The following DOCK3 variants were observed in gnomAD, a reference collection of about 807,000 sequenced individuals.
The protein encoded by DOCK3 is dedicator of cytokinesis protein 3.
Under a neutral mutation model 265.6 loss-of-function variants are expected in DOCK3, and 60 were observed. That is an observed-to-expected ratio of 0.23 (90% confidence interval 0.18 to 0.28). The LOEUF is 0.28. Among genes scored for constraint, DOCK3 ranks in the 10% least tolerant of loss-of-function variants. The probability of loss-of-function intolerance (pLI) is 1.00; values close to 1 mark genes in which losing one functional copy is unlikely to be tolerated. For missense variants in DOCK3, 1,981 were observed against 2,594.3 expected (o/e 0.76, Z 5.14); for synonymous variants, 881 against 938.0 (o/e 0.94, Z 1.11).
intron 5 of DOCK3, among the ~76,000 whole-genome samples, chr3:50,939,144 A>C (rs2051557173): frequency 6.6e-6 from 1 of 152,096 alleles, no homozygotes; most frequent in Admixed American, 6.5e-5. Flanking sequence ...AAAATACTGT[A>C]AACAACTTTA....
At chr3:50,677,438 A>G (rs2034055222) in intron 1 of DOCK3, among the ~76,000 whole-genome samples, 1 of 152,206 alleles carries the variant, frequency 6.6e-6, no homozygotes, top group South Asian at 2.1e-4. Context: ...TTAAAACGGC[A>G]TTTTTGCTGC....
chr3:51,366,724 T>C (rs2087209077), intron 49 of DOCK3, among the ~76,000 whole-genome samples: 1 of 152,254 alleles, frequency 6.6e-6, no homozygotes, highest in South Asian at 2.1e-4. Flanking sequence ...ATATCTTTAT[T>C]TCTGCCTTCA....
intron 12 of DOCK3, among the ~76,000 whole-genome samples, chr3:51,202,903 C>T (rs1248753848): frequency 6.6e-6 from 1 of 151,876 alleles, no homozygotes. Context: ...ATAAACAGAA[C>T]CAAAGACAAA....
At chr3:51,216,330 C>A (rs564461499) in intron 14 of DOCK3, among the ~76,000 whole-genome samples, 1 of 152,188 alleles carries the variant, frequency 6.6e-6, no homozygotes, top group Non-Finnish European at 1.5e-5. Context: ...ATCATTGGCA[C>A]ACAGCTAGAC....
chr3:50,901,707 A>G (rs888624703), intron 4 of DOCK3: 1 of 453,362 alleles, frequency 2.2e-6, no homozygotes, highest in African/African-American at 2.0e-5. Context: ...CCTCATGGCT[A>G]CCCTTGGCTA....
intron 10 of DOCK3, among the ~76,000 whole-genome samples, chr3:51,157,411 A>G (rs2085904135): frequency 6.6e-6 from 1 of 151,746 alleles, no homozygotes; most frequent in South Asian, 2.1e-4. Context: ...ACACCCTGCT[A>G]ATTTTTGTAT....
At chr3:50,831,398 G>A (rs2045160378) in intron 2 of DOCK3, among the ~76,000 whole-genome samples, 2 of 151,812 alleles carry the variant, frequency 1.3e-5, no homozygotes, top group Admixed American at 6.6e-5. Flanking sequence ...CCTCTGACAT[G>A]CCCTGGTGTG....
intron 2 of DOCK3, among the ~76,000 whole-genome samples, chr3:50,824,235 G>A (rs1398273796): frequency 6.6e-6 from 1 of 152,168 alleles, no homozygotes; most frequent in Non-Finnish European, 1.5e-5. Context: ...TTGAAGACAT[G>A]AGCAATAGAG....
At chr3:50,975,445 A>G (rs924955079) in intron 5 of DOCK3, among the ~76,000 whole-genome samples, 2 of 150,010 alleles carry the variant, frequency 1.3e-5, no homozygotes, top group Non-Finnish European at 3.0e-5. Flanking sequence ...GATTACATTT[A>G]TTGATTTGGG....
chr3:50,923,934 A>C (rs1575543241), intron 4 of DOCK3, among the ~76,000 whole-genome samples: 1 of 152,332 alleles, frequency 6.6e-6, no homozygotes, highest in South Asian at 2.1e-4. Context: ...TCTGTTGTAT[A>C]GCACCAAAAG....
chr3:51,251,653 G>A (rs2079247490), intron 22 of DOCK3, among the ~76,000 whole-genome samples: 1 of 152,160 alleles, frequency 6.6e-6, no homozygotes, highest in Non-Finnish European at 1.5e-5. Flanking sequence ...ATGTTGGTTG[G>A]CTGCATAAAT....
intron 12 of DOCK3, among the ~76,000 whole-genome samples, chr3:51,203,723 A>G (rs1160823668): frequency 6.6e-6 from 1 of 152,234 alleles, no homozygotes; most frequent in Non-Finnish European, 1.5e-5. Flanking sequence ...CCTAAGCCAA[A>G]AGAACAAAGC....
intron 14 of DOCK3, among the ~76,000 whole-genome samples, chr3:51,222,870 A>G (rs1000151849): frequency 6.6e-6 from 1 of 152,226 alleles, no homozygotes; most frequent in Non-Finnish European, 1.5e-5. Context: ...AACTGTGAGC[A>G]TATCTCTGTA....
At chr3:50,991,971 A>G (rs1489763069) in intron 5 of DOCK3, among the ~76,000 whole-genome samples, 1 of 152,224 alleles carries the variant, frequency 6.6e-6, no homozygotes, top group East Asian at 1.9e-4. Flanking sequence ...TGGAAATTAA[A>G]CAACATGCTC....
intron 3 of DOCK3, among the ~76,000 whole-genome samples, chr3:50,875,358 T>G (rs2047652724): frequency 6.6e-6 from 1 of 152,218 alleles, no homozygotes; most frequent in South Asian, 2.1e-4. Context: ...GTGGAAGTCT[T>G]ATCTTTGTCT....
chr3:50,853,636 G>A (rs1245415575), intron 3 of DOCK3, among the ~76,000 whole-genome samples: 5 of 151,930 alleles, frequency 3.3e-5, no homozygotes, highest in African/African-American at 4.8e-5. Context: ...TGCAAAGAAC[G>A]TGATTTCATT....
chr3:50,685,487 G>A (rs527776793), intron 1 of DOCK3: 3 of 152,518 alleles, frequency 2.0e-5, no homozygotes, highest in East Asian at 1.9e-4. Flanking sequence ...TGATTATGAC[G>A]GTTATGATGT....
In DOCK3 at chr3:51,048,414, T is replaced by C. The variant is rs147663855; in HGVS notation, c.316-16034T>C. Among the ~76,000 whole-genome samples, 57 of 152,152 alleles carry C rather than the reference T, an allele frequency of 3.7e-4. 1 individual carries two copies. Among genetic ancestry groups the C allele is most frequent in the Admixed American group, 3.3e-3 (51 of 15,264 alleles). On this transcript the variant is annotated intron_variant, in intron 5 of 52. Coordinates refer to ENST00000266037, the MANE Select transcript of DOCK3 (RefSeq NM_004947.5). ...ACTTGAGACTGCAAGTATTGTGGAA[T>C]TTTTTGGACTTTGGAATATTTGCAT...
chr3:51,063,960 T>A (rs1343307219), intron 5 of DOCK3, among the ~76,000 whole-genome samples: 1 of 152,228 alleles, frequency 6.6e-6, no homozygotes, highest in Non-Finnish European at 1.5e-5. Flanking sequence ...GGAGTGAATT[T>A]CACTCCAGGG....
Sources: allele counts gnomAD v4.1 joint callset (sites outside exome capture counted in the v4.1 genomes callset), GRCh38; gene constraint gnomAD v4.1.1; transcripts MANE v1.5; gene names NCBI Gene and HGNC (gene_info 2026-07-23, HGNC 2026-07-21).